UQCC1: variants seen among roughly 807,000 people sequenced by gnomAD.
UQCC1 encodes ubiquinol-cytochrome c reductase complex assembly factor 1.
A neutral mutation model predicts 48.0 loss-of-function variants in UQCC1; 38 were observed. The observed-to-expected ratio is 0.79, with a 90% CI of 0.61 to 1.04. The LOEUF is 1.04. UQCC1 is among the 50% of genes least tolerant of loss of function. The pLI is 0.00. For synonymous variants in UQCC1, 111 were observed against 129.2 expected, an observed-to-expected ratio of 0.86 and a Z score of 0.95; for missense variants, 368 against 381.8, an observed-to-expected ratio of 0.96 and a Z score of 0.30.
intron 4 of UQCC1, among the ~76,000 whole-genome samples, chr20:35,377,692 T>C (rs1399369916): frequency 6.6e-6 from 1 of 152,262 alleles, no homozygotes; most frequent in African/African-American, 2.4e-5. Context: ...TTTTTAAATC[T>C]TGTAATCTCC....
intron 6 of UQCC1, among the ~76,000 whole-genome samples, chr20:35,352,900 G>A (rs1457002330): frequency 1.3e-5 from 2 of 152,012 alleles, no homozygotes; most frequent in Non-Finnish European, 2.9e-5. Flanking sequence ...GCCCAGGCTG[G>A]TCTCGAATTC....
At chr20:35,304,268 C>T (rs1485991421) in intron 9 of UQCC1, among the ~76,000 whole-genome samples, 199 bp from the exon 10 acceptor site, 1 of 152,184 alleles carries the variant, frequency 6.6e-6, no homozygotes, top group Non-Finnish European at 1.5e-5. Flanking sequence ...TAAGGTGGTT[C>T]AGAGAAAGCA....
At chr20:35,351,558 G>A (rs2061490763) in intron 6 of UQCC1, among the ~76,000 whole-genome samples, 1 of 152,152 alleles carries the variant, frequency 6.6e-6, no homozygotes. Flanking sequence ...AATCCCTCAT[G>A]TCAGCCTCTC....
intron 7 of UQCC1, among the ~76,000 whole-genome samples, chr20:35,335,050 C>CACATATCTAATTTCATTATAA (rs2061300611): frequency 6.6e-6 from 1 of 152,142 alleles, no homozygotes; most frequent in Non-Finnish European, 1.5e-5. Context: ...TGATTAAGGT[C>CACATATCTAATTTCATTATAA]ACATATCTAA....
intron 1 of UQCC1, among the ~76,000 whole-genome samples, chr20:35,401,292 C>T (rs191980648): frequency 6.6e-6 from 1 of 152,290 alleles, no homozygotes; most frequent in Non-Finnish European, 1.5e-5. Context: ...CCATAAGGCA[C>T]ATTGTGGCCT....
chr20:35,316,392 A>C (rs2061059373), intron 7 of UQCC1, among the ~76,000 whole-genome samples: 1 of 152,178 alleles, frequency 6.6e-6, no homozygotes, highest in Non-Finnish European at 1.5e-5. Context: ...TAAAGCTGAG[A>C]TCAGCATCCA....
chr20:35,389,619 T>C (rs2061989893), intron 2 of UQCC1, among the ~76,000 whole-genome samples: 1 of 151,532 alleles, frequency 6.6e-6, no homozygotes, highest in African/African-American at 2.4e-5. Flanking sequence ...AGAAAATAAA[T>C]ATCCATGAGC....
At position 35,340,995 on chromosome 20, in the gene UQCC1, G is replaced by A. The variant is rs762194005; in HGVS notation, c.573+6169C>T. Among the ~76,000 whole-genome samples the A allele has an allele frequency of 8.5e-5, 13 of 152,082 alleles. No homozygotes were observed. The East Asian group carries it at 1.9e-3, about 23-fold the overall frequency. On this transcript the variant is annotated intron_variant, in intron 7 of 9. Coordinates refer to ENST00000374385, the MANE Select transcript of UQCC1 (RefSeq NM_018244.5). ...TGTAATCCCAGCACTTTGGAAGGCC[G>A]AGAAGGGCGGATCACCTGAGGTCAG...
At chr20:35,398,032 A>G (rs2062106978) in intron 1 of UQCC1, among the ~76,000 whole-genome samples, 1 of 152,252 alleles carries the variant, frequency 6.6e-6, no homozygotes, top group Non-Finnish European at 1.5e-5. Context: ...TACACAAAAA[A>G]GGAAACTGAG....
chr20:35,366,906 C>CA (rs748777635), intron 5 of UQCC1, among the ~76,000 whole-genome samples: 119 of 151,894 alleles, frequency 7.8e-4, no homozygotes, highest in South Asian at 1.5e-3. Context: ...CCAGCCTGGC[C>CA]AACATGGCGA....
chr20:35,341,778 T>C (rs959910263), intron 7 of UQCC1, among the ~76,000 whole-genome samples: 5 of 152,054 alleles, frequency 3.3e-5, no homozygotes, highest in Non-Finnish European at 5.9e-5. Context: ...GGTGTATGCA[T>C]GGAGTGAGCA....
At chr20:35,369,236 T>G (rs2061702644) in intron 5 of UQCC1, among the ~76,000 whole-genome samples, 1 of 152,190 alleles carries the variant, frequency 6.6e-6, no homozygotes, top group Admixed American at 6.5e-5. Flanking sequence ...GTGGGAAAAG[T>G]GCTGGCATAT....
At chr20:35,317,970 T>A (rs1298908941) in intron 7 of UQCC1, among the ~76,000 whole-genome samples, 3 of 152,176 alleles carry the variant, frequency 2.0e-5, no homozygotes, top group Non-Finnish European at 4.4e-5. Flanking sequence ...TAGAGTTCAT[T>A]CCTTCTGTCA....
chr20:35,328,005 A>C (rs377195864), intron 7 of UQCC1, among the ~76,000 whole-genome samples: 1 of 120,662 alleles, frequency 8.3e-6, no homozygotes, highest in African/African-American at 3.8e-5. Context: ...TGTCTCACAA[A>C]AAAAGGAAAA....
intron 6 of UQCC1, 143 bp from the exon 7 acceptor site, chr20:35,347,415 T>G (rs2061443705): frequency 3.4e-6 from 3 of 881,454 alleles, no homozygotes; most frequent in Admixed American, 5.3e-5. Context: ...TTTTAAACTT[T>G]TACTGAGATA....
chr20:35,379,123 T>C (rs964203573), intron 4 of UQCC1, among the ~76,000 whole-genome samples: 6 of 152,342 alleles, frequency 3.9e-5, no homozygotes, highest in African/African-American at 1.4e-4. Context: ...AATATTGTGC[T>C]TATCTCACCT....
chr20:35,315,656 A>C (rs1344070140), intron 7 of UQCC1, among the ~76,000 whole-genome samples: 1 of 152,230 alleles, frequency 6.6e-6, no homozygotes. Flanking sequence ...TGGGAGGCCA[A>C]GGCAGGCAGA....
intron 2 of UQCC1, among the ~76,000 whole-genome samples, chr20:35,390,028 T>G (rs1288379101): frequency 6.6e-6 from 1 of 152,222 alleles, no homozygotes; most frequent in African/African-American, 2.4e-5. Flanking sequence ...ACAACATAGA[T>G]GAACCTTGAG....
Position 35,310,497 on chromosome 20 carries a change from T to A in UQCC1, c.652-3718A>T, listed in dbSNP as rs560063088. Reference sequence around the variant, plus strand: ...GTCTCTACGAAAAATACAAAAAAAATTAGTCAAGCATGGTGGCGCCTGCCT... The same window carrying A: ...GTCTCTACGAAAAATACAAAAAAAAATAGTCAAGCATGGTGGCGCCTGCCT... On this transcript the variant is annotated intron_variant, in intron 8 of 9. Transcript: ENST00000374385. Among the ~76,000 whole-genome samples the A allele has an allele frequency of 4.6e-5, 7 of 151,334 alleles. No homozygotes were observed. The South Asian group carries it at 1.3e-3, about 27-fold the overall frequency.
Sources: allele counts gnomAD v4.1 joint callset (sites outside exome capture counted in the v4.1 genomes callset), GRCh38; gene constraint gnomAD v4.1.1; transcripts MANE v1.5; gene names NCBI Gene and HGNC (gene_info 2026-07-23, HGNC 2026-07-21).